The following FUT9 variants were observed in gnomAD, a reference collection of about 807,000 sequenced individuals.
FUT9 encodes the protein 4-galactosyl-N-acetylglucosaminide 3-alpha-L-fucosyltransferase 9.
Under a neutral mutation model 29.7 loss-of-function variants are expected in FUT9, and 15 were observed. That is an observed-to-expected ratio of 0.51 (90% CI 0.34 to 0.78). The LOEUF (loss-of-function observed/expected upper bound fraction) is 0.78, where lower values mean the gene tolerates loss of function less well. FUT9 is among the 30% of genes least tolerant of loss of function. The pLI is 0.01. For missense variants in FUT9, 319 were observed against 425.4 expected (o/e 0.75, Z 2.20); for synonymous variants, 169 against 153.7 (o/e 1.10, Z -0.74).
chr6:96,111,466 A>C (rs1471555780), intron 1 of FUT9, among the ~76,000 whole-genome samples: 1 of 152,086 alleles, frequency 6.6e-6, no homozygotes, highest in Non-Finnish European at 1.5e-5. Context: ...AAAAGTAATC[A>C]AAAGAGTAGC....
rs145326823 is a variant in FUT9 at position 96,077,691 on chromosome 6, C to T, written c.-97-36348C>T. 5.9e-5 allele frequency among the ~76,000 whole-genome samples: 9 copies of T among 152,240 alleles called. No homozygotes were observed. The East Asian group carries it at 1.4e-3, about 23-fold the overall frequency. ...TGAGTTCTCTTTCTGGGTTTTCTCTCTTGCTTTTTTGGAGCATATCCTACA... is the reference window on the plus strand; with the variant it reads ...TGAGTTCTCTTTCTGGGTTTTCTCTTTTGCTTTTTTGGAGCATATCCTACA... On this transcript the variant is annotated intron_variant, in intron 1 of 2. Transcript: ENST00000302103.
intron 1 of FUT9, among the ~76,000 whole-genome samples, chr6:96,068,014 A>G (rs1770992649): frequency 6.6e-6 from 1 of 152,158 alleles, no homozygotes; most frequent in Non-Finnish European, 1.5e-5. Context: ...ATTATCATAC[A>G]TCATTTTTAT....
At chr6:96,034,530 T>C (rs145218595) in intron 1 of FUT9, among the ~76,000 whole-genome samples, 3 of 151,854 alleles carry the variant, frequency 2.0e-5, no homozygotes, top group Admixed American at 1.3e-4. Flanking sequence ...TGTCTTTATT[T>C]AACAATTTCT....
chr6:96,042,600 T>G (rs1023112233), intron 1 of FUT9, among the ~76,000 whole-genome samples: 4 of 152,108 alleles, frequency 2.6e-5, no homozygotes, highest in African/African-American at 9.7e-5. Flanking sequence ...AGATCAATAT[T>G]TTACAGCTGT....
At chr6:96,201,041 T>C (rs1201658674) in intron 2 of FUT9, among the ~76,000 whole-genome samples, 1 of 151,976 alleles carries the variant, frequency 6.6e-6, no homozygotes, top group African/African-American at 2.4e-5. Flanking sequence ...CCTCATGAGC[T>C]AAGCTTCTTT....
intron 2 of FUT9, among the ~76,000 whole-genome samples, chr6:96,128,465 A>C (rs1772172649): frequency 6.6e-6 from 1 of 152,232 alleles, no homozygotes; most frequent in Non-Finnish European, 1.5e-5. Context: ...TGTATTAAAT[A>C]GTTCATAACA....
At position 96,211,989 on chromosome 6, in the gene FUT9, T is replaced by A; in HGVS notation, c.*7754T>A. 1 of 410,558 alleles carries A rather than the reference T, an allele frequency of 2.4e-6. No homozygotes were observed. The highest frequency in any genetic ancestry group is 4.5e-6 in the Non-Finnish European group (1 of 224,470). 25.4% of individuals were successfully genotyped at this position (410,558 alleles called of 1,614,324 possible). A position where few individuals can be genotyped will look rare whatever the true frequency, so the allele number is the denominator to read the frequency against. On this transcript the variant is annotated 3_prime_UTR_variant, in exon 3 of 3. Coordinates refer to ENST00000302103, the MANE Select transcript of FUT9 (RefSeq NM_006581.4). ...TTGTGGAAAACAAATATAGATTTTA[T>A]CTGAAAAATTTTAAGGGCCAATTCT...
rs1001270324 is a variant in FUT9, at chr6:96,212,732, T to A, written c.*8497T>A. 5.7e-6 allele frequency: 1 copy of A among 176,076 alleles called. No individual in the cohort carries two copies. The highest frequency in any genetic ancestry group is 2.0e-4 in the South Asian group (1 of 4,914). The allele number at this position is 176,076 out of a possible 1,614,324, so 10.9% of individuals were successfully genotyped here. ...TAAACATCTTCATTATAATAATATG[T>A]CTTATTCTGATTCCAAGACAATACG... On this transcript the variant is annotated 3_prime_UTR_variant, in exon 3 of 3. Coordinates refer to ENST00000302103, the MANE Select transcript of FUT9 (RefSeq NM_006581.4).
chr6:96,053,678 C>T (rs2034707253), intron 1 of FUT9, among the ~76,000 whole-genome samples: 2 of 152,172 alleles, frequency 1.3e-5, no homozygotes, highest in Admixed American at 6.5e-5. Flanking sequence ...CACTCCACTC[C>T]AGCCTGGGCA....
At position 96,050,433 on chromosome 6, in the gene FUT9, G is replaced by A. The variant is rs532548044; in HGVS notation, c.-98+34221G>A. ...TTGTAGTTTAGTTTTTCAGTCATGA[G>A]CAACTGCTCTCTTCATTATCTAACC... On this transcript the variant is annotated intron_variant, in intron 1 of 2. Transcript: ENST00000302103. 2.0e-5 allele frequency among the ~76,000 whole-genome samples: 3 copies of A among 152,316 alleles called. No homozygotes were observed. In the East Asian group the frequency reaches 5.8e-4, roughly 29 times the overall value.
At chr6:96,117,339 G>A (rs200295540) in intron 2 of FUT9, among the ~76,000 whole-genome samples, 85 of 152,238 alleles carry the variant, frequency 5.6e-4, no homozygotes, top group Middle Eastern at 6.8e-3. Context: ...TTAACCTTGC[G>A]TTGCTAGATG....
At chr6:96,119,515 T>A (rs947034693) in intron 2 of FUT9, among the ~76,000 whole-genome samples, 1 of 152,204 alleles carries the variant, frequency 6.6e-6, no homozygotes, top group East Asian at 1.9e-4. Context: ...TGACTGTATA[T>A]AAAGTGTTTT....
At chr6:96,035,334 G>T (rs1225637415) in intron 1 of FUT9, among the ~76,000 whole-genome samples, 1 of 151,304 alleles carries the variant, frequency 6.6e-6, no homozygotes, top group East Asian at 1.9e-4. Context: ...TAAATGCATT[G>T]AAAACAAATT....
chr6:96,019,617 A>G (rs1770034991), intron 1 of FUT9, among the ~76,000 whole-genome samples: 2 of 152,106 alleles, frequency 1.3e-5, no homozygotes, highest in African/African-American at 2.4e-5. Flanking sequence ...AAGTTTTACA[A>G]CAATGCTATA....
chr6:96,066,158 T>C (rs1357728267), intron 1 of FUT9, among the ~76,000 whole-genome samples: 9 of 152,106 alleles, frequency 5.9e-5, no homozygotes, highest in Non-Finnish European at 1.2e-4. Flanking sequence ...AACTACCTTA[T>C]AGTAAGGAAA....
At chr6:96,076,385 T>A (rs1771143060) in intron 1 of FUT9, among the ~76,000 whole-genome samples, 3 of 152,220 alleles carry the variant, frequency 2.0e-5, no homozygotes. Flanking sequence ...GGCTTTCAAG[T>A]GGCTATTGAA....
At chr6:96,090,957 T>C (rs1375281757) in intron 1 of FUT9, among the ~76,000 whole-genome samples, 1 of 152,060 alleles carries the variant, frequency 6.6e-6, no homozygotes, top group Non-Finnish European at 1.5e-5. Context: ...AGAAGAAATT[T>C]GTAATATCTA....
intron 1 of FUT9, among the ~76,000 whole-genome samples, chr6:96,105,612 TAA>T (rs1771664453): frequency 6.6e-6 from 1 of 152,230 alleles, no homozygotes; most frequent in African/African-American, 2.4e-5. Context: ...AGCTGTGTCT[TAA>T]GTTTTCTAAT....
intron 1 of FUT9, among the ~76,000 whole-genome samples, chr6:96,033,103 A>T (rs779144957): frequency 6.6e-6 from 1 of 151,676 alleles, no homozygotes; most frequent in Non-Finnish European, 1.5e-5. Flanking sequence ...AATTCTGTAT[A>T]ATTAATTACA....
Sources: allele counts gnomAD v4.1 joint callset (sites outside exome capture counted in the v4.1 genomes callset), GRCh38; gene constraint gnomAD v4.1.1; transcripts MANE v1.5; gene names NCBI Gene and HGNC (gene_info 2026-07-23, HGNC 2026-07-21).